ZNF451: variants seen among roughly 807,000 people sequenced by gnomAD.
ZNF451 encodes E3 SUMO-protein ligase ZNF451.
A neutral mutation model predicts 107.1 loss-of-function variants in ZNF451; 80 were observed. The ratio of observed to expected loss-of-function variants is 0.75; its 90% CI spans 0.62 to 0.90. The LOEUF (loss-of-function observed/expected upper bound fraction) is 0.90, where lower values mean the gene tolerates loss of function less well. Among genes scored for constraint, ZNF451 ranks in the 40% least tolerant of loss-of-function variants. ZNF451 has a pLI of 0.00. For missense variants in ZNF451, 1,107 were observed against 1,236.2 expected (o/e 0.90, Z 1.57); for synonymous variants, 362 against 406.5 (o/e 0.89, Z 1.32).
chr6:57,112,474 G>A (rs997116753), intron 3 of ZNF451, among the ~76,000 whole-genome samples: 5 of 152,208 alleles, frequency 3.3e-5, no homozygotes, highest in African/African-American at 4.8e-5. Context: ...TGGATCATCA[G>A]TGCCAGCTGA....
chr6:57,163,260 T>C (rs1202293619), intron 14 of ZNF451, among the ~76,000 whole-genome samples: 1 of 151,938 alleles, frequency 6.6e-6, no homozygotes, highest in Admixed American at 6.6e-5. Context: ...CCAACCACTC[T>C]CTATTCTGGG....
chr6:57,166,472 AT>A (rs1343708557), intron 14 of ZNF451, among the ~76,000 whole-genome samples: 1 of 152,200 alleles, frequency 6.6e-6, no homozygotes, highest in Non-Finnish European at 1.5e-5. Flanking sequence ...CTATAGAGAA[AT>A]ATTTTCTTTA....
At chr6:57,118,587 A>G (rs1365298866) in intron 3 of ZNF451, among the ~76,000 whole-genome samples, 1 of 151,968 alleles carries the variant, frequency 6.6e-6, no homozygotes, top group Non-Finnish European at 1.5e-5. Context: ...GGCTCAAGCA[A>G]TCCTCCTGCC....
chr6:57,105,268 A>G (rs1829798193), intron 3 of ZNF451: 1 of 985,088 alleles, frequency 1.0e-6, no homozygotes, highest in Admixed American at 6.1e-5. Flanking sequence ...GATGTATCTA[A>G]TGATCTTGAT....
chr6:57,148,108 A>C lies in ZNF451; in HGVS notation c.2023A>C (p.Ile675Leu), dbSNP rs1832166228. Residue 675 changes from isoleucine to leucine, a missense_variant, in exon 10 of 15, where the codon ATC (isoleucine) becomes CTC (leucine). By Grantham distance (5) the Ile-to-Leu change is conservative (BLOSUM62 2). Around this residue, in one of 5 missense-constraint regions of ZNF451, gnomAD observed 608 missense variants for 649.2 expected, o/e 0.94. Coordinates refer to ENST00000370706, the MANE Select transcript of ZNF451 (RefSeq NM_001031623.3). ...ATACTTCTGTGGGCTTTGTGATCTT[A>C]TCTTTAATGTGGAAGAAGCATTTCT... ...IKYFCGLCDL[I>L]FNVEEAFLSH... 1 of 1,614,078 alleles carries C rather than the reference A, an allele frequency of 6.2e-7. No homozygotes were observed. Among genetic ancestry groups the C allele is most frequent in the Non-Finnish European group, 8.5e-7 (1 of 1,179,964 alleles).
At position 57,148,044 on chromosome 6, in the gene ZNF451, A is replaced by G. The variant is rs780805414; in HGVS notation, c.1959A>G (p.Arg653=). The G allele has an allele frequency of 1.2e-6, 2 of 1,614,108 alleles. No individual in the cohort carries two copies. The highest frequency in any genetic ancestry group is 2.2e-5 in the South Asian group (2 of 91,078). The part of the protein sequence containing the change: ...KPFHKIETLY[R]HCQDEHDNEI... ...TTCATAAGATAGAAACATTGTACCG[A>G]CATTGCCAAGATGAGCATGACAATG... The change falls in exon 10 of 15, where the codon CGA becomes CGG. Residue 653 remains arginine (R), a synonymous_variant. Coordinates refer to ENST00000370706, the MANE Select transcript of ZNF451 (RefSeq NM_001031623.3).
intron 13 of ZNF451, 81 bp from the exon 14 acceptor site, chr6:57,161,003 G>T (rs1466684803): frequency 2.4e-6 from 2 of 841,782 alleles, no homozygotes; most frequent in East Asian, 5.6e-5. Flanking sequence ...GTAAGCTTGG[G>T]TATGAGCAGT....
intron 9 of ZNF451, among the ~76,000 whole-genome samples, chr6:57,142,523 T>G (rs1325509085): frequency 6.6e-6 from 1 of 152,222 alleles, no homozygotes; most frequent in African/African-American, 2.4e-5. Context: ...TTTATCTATA[T>G]TGTTTAGTAC....
intron 7 of ZNF451, among the ~76,000 whole-genome samples, chr6:57,135,413 A>C: frequency 6.6e-6 from 1 of 152,172 alleles, no homozygotes; most frequent in East Asian, 1.9e-4. Context: ...TTAATGACTT[A>C]CTAACATTGC....
chr6:57,105,871 C>A (rs981709862), intron 3 of ZNF451: 3 of 983,790 alleles, frequency 3.0e-6, no homozygotes, highest in African/African-American at 3.5e-5. Flanking sequence ...GCTTCCTTAT[C>A]AGTATAATTA....
chr6:57,159,946 CAT>C (rs1763596929), intron 13 of ZNF451, among the ~76,000 whole-genome samples: 2 of 151,992 alleles, frequency 1.3e-5, no homozygotes, highest in African/African-American at 2.4e-5. Flanking sequence ...ACATATATAT[CAT>C]ATATAGATGC....
At chr6:57,119,649 C>T (rs1305552681) in intron 3 of ZNF451, among the ~76,000 whole-genome samples, 1 of 152,088 alleles carries the variant, frequency 6.6e-6, no homozygotes, top group Non-Finnish European at 1.5e-5. Flanking sequence ...GTCCACTTAC[C>T]TCCTCCCCTC....
chr6:57,123,689 A>C (rs1830756608), intron 3 of ZNF451, among the ~76,000 whole-genome samples: 2 of 152,072 alleles, frequency 1.3e-5, no homozygotes, highest in African/African-American at 4.8e-5. Context: ...AAAAAGTTTT[A>C]TGTGTTATTT....
Position 57,147,808 on chromosome 6 carries a change from T to A in ZNF451, c.1723T>A (p.Ser575Thr). The change falls in exon 10 of 15, where the codon TCT becomes ACT. Residue 575 changes from serine to threonine, a missense_variant. Ser to Thr is a moderately conservative substitution (Grantham distance 58). Around this residue, in one of 5 missense-constraint regions of ZNF451, gnomAD observed 608 missense variants for 649.2 expected, o/e 0.94. Transcript: ENST00000370706. ...EVEGETLPSS[S>T]TTLDNLTANK... is the part of the protein sequence containing the mutation. ...AGAAGGTGAAACTTTGCCATCATCCTCTACAACATTGGATAATTTGACTGC... is the reference window on the plus strand; with the variant it reads ...AGAAGGTGAAACTTTGCCATCATCCACTACAACATTGGATAATTTGACTGC... 1 of 1,614,116 alleles carries A rather than the reference T, an allele frequency of 6.2e-7. No individual in the cohort carries two copies. The highest frequency in any genetic ancestry group is 8.5e-7 in the Non-Finnish European group (1 of 1,180,004).
intron 3 of ZNF451, among the ~76,000 whole-genome samples, chr6:57,114,049 CAGAA>C (rs1187646583): frequency 2.0e-5 from 3 of 152,160 alleles, no homozygotes; most frequent in African/African-American, 7.2e-5. Context: ...TGAATTTTAA[CAGAA>C]AGTTCATGTA....
intron 3 of ZNF451, among the ~76,000 whole-genome samples, chr6:57,117,537 T>TA (rs1158455913): frequency 6.6e-6 from 1 of 152,182 alleles, no homozygotes; most frequent in Non-Finnish European, 1.5e-5. Flanking sequence ...CTAAACAACT[T>TA]ATCTTCCTAG....
At chr6:57,091,343 A>G (rs1360218998) in intron 2 of ZNF451, 4 of 112,820 alleles carry the variant, frequency 3.5e-5, no homozygotes, top group Non-Finnish European at 5.5e-5. Flanking sequence ...TGAGATCATC[A>G]TGTTACGGCA....
chr6:57,107,800 C>T (rs1303728920), intron 3 of ZNF451: 1 of 983,028 alleles, frequency 1.0e-6, no homozygotes, highest in Admixed American at 6.2e-5. Flanking sequence ...TGAGTATATT[C>T]CTTTGGTAAC....
chr6:57,113,268 T>C (rs1830193648), intron 3 of ZNF451, among the ~76,000 whole-genome samples: 1 of 152,120 alleles, frequency 6.6e-6, no homozygotes, highest in Non-Finnish European at 1.5e-5. Flanking sequence ...GTTAGTTCAC[T>C]AAGCCCTCCA....
Sources: gnomAD v4.1 joint callset for allele counts (sites outside exome capture counted in the v4.1 genomes callset) on GRCh38, gnomAD v4.1.1 for gene constraint, gnomAD v4.1.1 regional missense constraint, MANE v1.5 for transcripts, NCBI Gene and HGNC (gene_info 2026-07-23, HGNC 2026-07-21) for gene names.